Variants in ABCG8 observed in about 807,000 individuals in gnomAD.
The protein encoded by ABCG8 is ATP binding cassette subfamily G member 8.
ABCG8 carries 81 observed loss-of-function variants against 71.3 expected under a neutral mutation model. That is an observed-to-expected ratio of 1.14 (90% CI 0.95 to 1.37). ABCG8 has a LOEUF of 1.37. Among genes scored for constraint, ABCG8 ranks in the 40% most tolerant of loss-of-function variants. The pLI is 0.00. For missense variants in ABCG8, 1,119 were observed against 866.2 expected, an observed-to-expected ratio of 1.29 and a Z score of -3.66; for synonymous variants, 451 against 354.7, an observed-to-expected ratio of 1.27 and a Z score of -3.05.
At chr2:43,842,823 C>T (rs1045129105) in intron 1 of ABCG8, among the ~76,000 whole-genome samples, 5 of 151,918 alleles carry the variant, frequency 3.3e-5, no homozygotes, top group African/African-American at 9.7e-5. Context: ...ATAATTCAAA[C>T]ATTAAGCAAT....
intron 6 of ABCG8, among the ~76,000 whole-genome samples, chr2:43,868,535 ACTAT>A (rs1262995282): frequency 6.6e-6 from 1 of 151,978 alleles, no homozygotes; most frequent in Non-Finnish European, 1.5e-5. Flanking sequence ...TAGAATATTC[ACTAT>A]CTGTCTGGAT....
In ABCG8 at chr2:43,882,380, T is replaced by C. The variant is rs1052902511; in HGVS notation, c.*4467T>C. 10 of 152,234 alleles carry C rather than the reference T, an allele frequency of 6.6e-5. No homozygotes were observed. The highest frequency in any genetic ancestry group is 1.3e-4 in the Non-Finnish European group (9 of 68,040). The allele number at this position is 152,234 out of a possible 1,614,324, so 9.4% of individuals were successfully genotyped here. On this transcript the variant is annotated 3_prime_UTR_variant, in exon 13 of 13. Coordinates refer to ENST00000272286, the MANE Select transcript of ABCG8 (RefSeq NM_022437.3). ...TTCCTCATAGTGGCTTAGCACAGCA[T>C]ACAGACCACTTTCCTTTGGCCCAAC...
At chr2:43,867,260 C>T (rs185964555) in intron 6 of ABCG8, among the ~76,000 whole-genome samples, 1,601 of 151,372 alleles carry the variant, frequency 0.011, 38 homozygotes, top group African/African-American at 0.037. Flanking sequence ...GACGAGTTAG[C>T]GGGTGCAGCG....
At chr2:43,867,398 T>G (rs1669568371) in intron 6 of ABCG8, among the ~76,000 whole-genome samples, 1 of 151,370 alleles carries the variant, frequency 6.6e-6, no homozygotes, top group Admixed American at 6.6e-5. Flanking sequence ...ACTATCTGGA[T>G]AAAATTCTCA....
Position 43,844,501 on chromosome 2 carries a change from CCA to C in ABCG8, c.64-3_64-2del, listed in dbSNP as rs1668678818. 6.2e-7 allele frequency: 1 copy of C among 1,612,456 alleles called. No homozygotes were observed. Among genetic ancestry groups the C allele is most frequent in the Admixed American group, 1.7e-5 (1 of 60,000 alleles). On this transcript the variant is annotated splice_polypyrimidine_tract_variant and splice_region_variant and intron_variant, in intron 1 of 12. Coordinates refer to ENST00000272286, the MANE Select transcript of ABCG8 (RefSeq NM_022437.3). ...AGGAGCCCCTCATCTCTCCTGTCTCCCACAGGGCCTCCAGGATAGATTGTTCT... is the reference window on the plus strand; with the variant it reads ...AGGAGCCCCTCATCTCTCCTGTCTCCCAGGGCCTCCAGGATAGATTGTTCT...
rs150977210 is a variant in ABCG8 at position 43,873,801 on chromosome 2, A to G, written c.1226A>G (p.Asn409Ser). The G allele has an allele frequency of 7.4e-5, 120 of 1,613,910 alleles. No individual in the cohort carries two copies. In the Admixed American group the frequency reaches 1.2e-3, roughly 16 times the overall value. ...FTTLIRRQIS[N>S]DFRDLPTLLI... is the part of the protein sequence containing the mutation. ...TGGTTTTTAAGTCGTCAGATTTCCA[A>G]CGACTTCCGAGACCTGCCCACCCTC... The change falls in exon 9 of 13, where the codon AAC (asparagine) becomes AGC (serine). Residue 409 changes from asparagine to serine, a missense_variant. By Grantham distance (46) the Asn-to-Ser change is conservative. Coordinates refer to ENST00000272286, the MANE Select transcript of ABCG8 (RefSeq NM_022437.3).
chr2:43,855,192 C>T (rs1376703156), intron 6 of ABCG8, among the ~76,000 whole-genome samples: 1 of 151,956 alleles, frequency 6.6e-6, no homozygotes, highest in East Asian at 1.9e-4. Flanking sequence ...AATTGTCGCC[C>T]TCTGAATAGA....
At chr2:43,865,226 G>C (rs1343549790) in intron 6 of ABCG8, among the ~76,000 whole-genome samples, 1 of 141,854 alleles carries the variant, frequency 7.0e-6, no homozygotes, top group Non-Finnish European at 1.6e-5. Flanking sequence ...CCATCTGCAT[G>C]GAACTCTCAC....
chr2:43,848,425 C>T (rs1036558856), intron 3 of ABCG8: 1 of 152,188 alleles, frequency 6.6e-6, no homozygotes, highest in Non-Finnish European at 1.5e-5. Context: ...GCTTGGCTGC[C>T]ATGATTGGCT....
Position 43,880,355 on chromosome 2 carries a change from G to A in ABCG8, c.*2442G>A, listed in dbSNP as rs575170083. ...CACCTGGCTAATTTTTGTATTTTTA[G>A]TAAAGACAGTGTTTCACCATATTGG... On this transcript the variant is annotated 3_prime_UTR_variant, in exon 13 of 13. Transcript: ENST00000272286. 1 of 151,926 alleles carries A rather than the reference G, an allele frequency of 6.6e-6. No individual in the cohort carries two copies. The highest frequency in any genetic ancestry group is 1.5e-5 in the Non-Finnish European group (1 of 68,008). The allele number at this position is 151,926 out of a possible 1,614,324, so 9.4% of individuals were successfully genotyped here.
chr2:43,879,290 A>C lies in ABCG8; in HGVS notation c.*1377A>C, dbSNP rs1275279591. 3 of 152,332 alleles carry C rather than the reference A, an allele frequency of 2.0e-5. No individual in the cohort carries two copies. Among genetic ancestry groups the C allele is most frequent in the Non-Finnish European group, 4.4e-5 (3 of 68,184 alleles). The allele number at this position is 152,332 out of a possible 1,614,324, so 9.4% of individuals were successfully genotyped here. ...TTCCCAAAGGAAAATTAGAGTTTAG[A>C]ATCAAAAGAAGGGGAAGGTGCGTGT... On this transcript the variant is annotated 3_prime_UTR_variant, in exon 13 of 13. Transcript: ENST00000272286.
chr2:43,844,722 G>C (rs900677933), intron 2 of ABCG8, 114 bp downstream of exon 2: 13 of 774,978 alleles, frequency 1.7e-5, no homozygotes, highest in Non-Finnish European at 2.9e-5. Context: ...CGCAAGGACA[G>C]AGTCCAGTCC....
intron 6 of ABCG8, among the ~76,000 whole-genome samples, chr2:43,871,312 A>G (rs566463198): frequency 6.7e-6 from 1 of 149,222 alleles, no homozygotes; most frequent in South Asian, 2.2e-4. Context: ...CACTCTCTGG[A>G]TAGAACTCTC....
chr2:43,858,602 A>G (rs1558822796), intron 6 of ABCG8, among the ~76,000 whole-genome samples: 1 of 151,152 alleles, frequency 6.6e-6, no homozygotes, highest in Non-Finnish European at 1.5e-5. Flanking sequence ...ATTTTTCTGT[A>G]TAGAACTCTC....
chr2:43,851,540 C>G, intron 3 of ABCG8, 44 bp from the exon 4 acceptor site: 1 of 1,609,406 alleles, frequency 6.2e-7, no homozygotes, highest in Non-Finnish European at 8.5e-7. Flanking sequence ...AGCCTGGCCC[C>G]CACAGAAGCT....
chr2:43,872,759 C>T (rs192978217), intron 8 of ABCG8, among the ~76,000 whole-genome samples: 1 of 152,288 alleles, frequency 6.6e-6, no homozygotes, highest in Admixed American at 6.5e-5. Context: ...CAGTGCGACA[C>T]AGAACACCCC....
intron 3 of ABCG8, 23 bp downstream of exon 3, chr2:43,846,334 G>C: frequency 6.2e-7 from 1 of 1,613,998 alleles, no homozygotes; most frequent in African/African-American, 1.3e-5. Context: ...CAAATCGCTG[G>C]GCAATGGTTT....
chr2:43,851,812 G>C lies in ABCG8; in HGVS notation c.551G>C (p.Arg184Pro). 5.0e-6 allele frequency: 8 copies of C among 1,614,176 alleles called. No homozygotes were observed. The highest frequency in any genetic ancestry group is 5.9e-6 in the Non-Finnish European group (7 of 1,180,040). Residue 184 changes from arginine to proline, a missense_variant, in exon 4 of 13, where the codon CGT becomes CCT. Arg to Pro is a moderately radical substitution (Grantham distance 103). Coordinates refer to ENST00000272286, the MANE Select transcript of ABCG8 (RefSeq NM_022437.3). Reference sequence around the variant, plus strand: ...CCCAGAACCTTCTCCCAGGCCCAGCGTGACAAAAGGGTAACTAACTGGCCC... The same window carrying C: ...CCCAGAACCTTCTCCCAGGCCCAGCCTGACAAAAGGGTAACTAACTGGCCC... ...RLPRTFSQAQRDKRVEDVIAE... is the reference protein window; with the variant it reads ...RLPRTFSQAQPDKRVEDVIAE...
At chr2:43,869,583 C>A (rs1165544578) in intron 6 of ABCG8, among the ~76,000 whole-genome samples, 1 of 152,154 alleles carries the variant, frequency 6.6e-6, no homozygotes, top group Non-Finnish European at 1.5e-5. Context: ...CTCTCAGTAT[C>A]TGGATAGAAT....
Sources: gnomAD v4.1 joint callset for allele counts (sites outside exome capture counted in the v4.1 genomes callset) on GRCh38, gnomAD v4.1.1 for gene constraint, MANE v1.5 for transcripts, NCBI Gene and HGNC (gene_info 2026-07-23, HGNC 2026-07-21) for gene names.